The following ATRNL1 variants were observed in gnomAD, a reference collection of about 807,000 sequenced individuals.
The protein encoded by ATRNL1 is attractin-like protein 1.
Under a neutral mutation model 182.7 loss-of-function variants are expected in ATRNL1, and 95 were observed. The observed-to-expected ratio is 0.52, with a 90% CI of 0.44 to 0.62. ATRNL1 has a LOEUF of 0.62. Among genes scored for constraint, ATRNL1 ranks in the 20% least tolerant of loss-of-function variants. The pLI is 0.00. For synonymous variants in ATRNL1, 576 were observed against 568.3 expected, an observed-to-expected ratio of 1.01 and a Z score of -0.19; for missense variants, 1,471 against 1,679.5, an observed-to-expected ratio of 0.88 and a Z score of 2.17.
chr10:115,926,539 G>T (rs1440349130), intron 28 of ATRNL1, among the ~76,000 whole-genome samples: 2 of 151,892 alleles, frequency 1.3e-5, no homozygotes, highest in African/African-American at 4.8e-5. Flanking sequence ...AGAAAAGAGA[G>T]AAGAATCTAA....
chr10:115,263,598 T>G (rs1851481517), intron 10 of ATRNL1, among the ~76,000 whole-genome samples: 2 of 151,838 alleles, frequency 1.3e-5, no homozygotes, highest in African/African-American at 4.8e-5. Context: ...TAAAGACCAT[T>G]TTAAGATATG....
intron 27 of ATRNL1, among the ~76,000 whole-genome samples, chr10:115,764,954 A>G (rs1555074665): frequency 6.6e-6 from 1 of 152,204 alleles, no homozygotes; most frequent in African/African-American, 2.4e-5. Context: ...GATTATAGGC[A>G]TGAGCCACCA....
chr10:115,636,832 T>C (rs1858906347), intron 26 of ATRNL1, among the ~76,000 whole-genome samples: 1 of 152,116 alleles, frequency 6.6e-6, no homozygotes, highest in Non-Finnish European at 1.5e-5. Flanking sequence ...TAATGAATAA[T>C]CAAATCATAG....
intron 1 of ATRNL1, among the ~76,000 whole-genome samples, chr10:115,095,835 T>C (rs1006549586): frequency 6.6e-6 from 1 of 152,208 alleles, no homozygotes; most frequent in African/African-American, 2.4e-5. Context: ...ACATTTTTTT[T>C]ACATAAATAG....
At chr10:115,418,464 C>T (rs1326133853) in intron 20 of ATRNL1, among the ~76,000 whole-genome samples, 1 of 151,962 alleles carries the variant, frequency 6.6e-6, no homozygotes, top group Non-Finnish European at 1.5e-5. Flanking sequence ...TGTGGGACAA[C>T]ATCAAAATAA....
rs782226477 is a variant in ATRNL1 at position 115,315,649 on chromosome 10, A to C, written c.2950A>C (p.Ile984Leu). 1 of 1,613,990 alleles carries C rather than the reference A, an allele frequency of 6.2e-7. No homozygotes were observed. Among genetic ancestry groups the C allele is most frequent in the Non-Finnish European group, 8.5e-7 (1 of 1,179,944 alleles). ...EGSSRGPMKL[I>L]GMHHSEMVLD... The stretch of plus-strand genomic sequence containing the variant: ...TTCTTCACGGGGACCAATGAAGCTT[A>C]TTGGAATGCACCACAGTGAGATGGT... The change falls in exon 18 of 29, where the codon ATT becomes CTT. Residue 984 changes from isoleucine (I) to leucine (L), a missense_variant. By Grantham distance (5) the Ile-to-Leu change is conservative. Transcript: ENST00000355044.
chr10:115,941,277 A>C (rs1379003015), intron 28 of ATRNL1, among the ~76,000 whole-genome samples: 1 of 152,234 alleles, frequency 6.6e-6, no homozygotes, highest in Non-Finnish European at 1.5e-5. Context: ...TAAGAACTGA[A>C]ATATTTATGA....
intron 18 of ATRNL1, among the ~76,000 whole-genome samples, 191 bp downstream of exon 18, chr10:115,315,927 A>C (rs1334597370): frequency 6.6e-6 from 1 of 152,226 alleles, no homozygotes; most frequent in African/African-American, 2.4e-5. Flanking sequence ...TTCAGTTTAG[A>C]ATCATTAGAT....
chr10:115,671,690 G>A (rs75045571), intron 26 of ATRNL1, among the ~76,000 whole-genome samples: 2,522 of 152,174 alleles, frequency 0.017, 65 homozygotes, highest in African/African-American at 0.058. Flanking sequence ...CCACTGCCTC[G>A]GCAGGGAACA....
At chr10:115,282,041 A>T (rs1223491197) in intron 14 of ATRNL1, among the ~76,000 whole-genome samples, 5 of 141,872 alleles carry the variant, frequency 3.5e-5, no homozygotes, top group Admixed American at 1.4e-4. Context: ...AAATACATAA[A>T]TATATTACTT....
intron 26 of ATRNL1, among the ~76,000 whole-genome samples, chr10:115,586,474 A>C (rs1855509868): frequency 1.0e-5 from 1 of 100,490 alleles, no homozygotes; most frequent in African/African-American, 2.8e-5. Context: ...TTTTTCTCTA[A>C]ACTTCCTTTC....
At chr10:115,715,760 A>G (rs1401615313) in intron 26 of ATRNL1, among the ~76,000 whole-genome samples, 4 of 152,250 alleles carry the variant, frequency 2.6e-5, no homozygotes, top group Non-Finnish European at 5.9e-5. Context: ...AAATTTACTC[A>G]TAGACATGCT....
intron 26 of ATRNL1, among the ~76,000 whole-genome samples, chr10:115,637,050 A>T (rs1858920950): frequency 6.6e-6 from 1 of 152,212 alleles, no homozygotes; most frequent in Non-Finnish European, 1.5e-5. Flanking sequence ...TGCAGACCTC[A>T]AGAAGCTCCT....
chr10:115,564,040 A>G (rs1163383429), intron 26 of ATRNL1, among the ~76,000 whole-genome samples: 1 of 152,070 alleles, frequency 6.6e-6, no homozygotes, highest in Non-Finnish European at 1.5e-5. Context: ...TACTGTCCTT[A>G]TCTATAAATT....
intron 28 of ATRNL1, among the ~76,000 whole-genome samples, chr10:115,851,259 A>T (rs1555100450): frequency 6.6e-6 from 1 of 152,222 alleles, no homozygotes. Context: ...TCCTATGAGC[A>T]TGGTGGATTT....
chr10:115,460,242 T>A (rs1043860733), intron 21 of ATRNL1, among the ~76,000 whole-genome samples: 57 of 152,256 alleles, frequency 3.7e-4, no homozygotes, highest in African/African-American at 1.3e-3. Context: ...TTACAAATTG[T>A]TATCTACTAC....
chr10:115,812,644 T>C (rs1555087350), intron 27 of ATRNL1, among the ~76,000 whole-genome samples: 1 of 152,036 alleles, frequency 6.6e-6, no homozygotes, highest in Non-Finnish European at 1.5e-5. Context: ...ACCCAGCTAA[T>C]TTTTTGCATT....
chr10:115,195,816 CTTA>C (rs1484324970), intron 8 of ATRNL1, among the ~76,000 whole-genome samples: 2 of 151,974 alleles, frequency 1.3e-5, no homozygotes, highest in Non-Finnish European at 2.9e-5. Flanking sequence ...TGAATTACCA[CTTA>C]TTATTATTTT....
chr10:115,426,981 C>G (rs1198116310), intron 21 of ATRNL1, among the ~76,000 whole-genome samples: 2 of 152,118 alleles, frequency 1.3e-5, no homozygotes, highest in Non-Finnish European at 1.5e-5. Context: ...CCTTGGCCTC[C>G]CAAAGTGCTG....
Sources: allele counts gnomAD v4.1 joint callset (sites outside exome capture counted in the v4.1 genomes callset), GRCh38; gene constraint gnomAD v4.1.1; transcripts MANE v1.5; gene names NCBI Gene and HGNC (gene_info 2026-07-23, HGNC 2026-07-21).